Variants in SPMIP10 observed in about 807,000 individuals in gnomAD.
SPMIP10 encodes the protein sperm-associated microtubule inner protein 10.
the SPMIP10 span, chr5:126,632,482 T>C: frequency 3.2e-6 from 3 of 948,746 alleles, no homozygotes; most frequent in South Asian, 1.3e-5. Flanking sequence ...CTCCAGTGCC[T>C]GGAATGATGC....
the SPMIP10 span, among the ~76,000 whole-genome samples, chr5:126,634,307 C>A: frequency 6.6e-6 from 1 of 152,140 alleles, no homozygotes; most frequent in Non-Finnish European, 1.5e-5. Context: ...TGGCACATGC[C>A]TGTAATCCCA....
the SPMIP10 span, chr5:126,636,217 T>C: frequency 6.2e-7 from 1 of 1,614,090 alleles, no homozygotes. Flanking sequence ...TGATTTCCCA[T>C]GGCTTCAGGA....
chr5:126,632,850 GGT>G, the SPMIP10 span, among the ~76,000 whole-genome samples: 2 of 151,828 alleles, frequency 1.3e-5, no homozygotes, highest in African/African-American at 4.8e-5. Context: ...AGCTGGGCAT[GGT>G]GGCGGGCAGT....
At chr5:126,631,951 AT>A in the SPMIP10 span, 1 of 627,322 alleles carries the variant, frequency 1.6e-6, no homozygotes, top group Middle Eastern at 2.6e-4. Context: ...AGAGGGAAAT[AT>A]GTGTGCAGGG....
chr5:126,631,844 G>GT, the SPMIP10 span: 5 of 1,517,900 alleles, frequency 3.3e-6, no homozygotes, highest in Middle Eastern at 1.7e-4. Flanking sequence ...GGATTCTGGG[G>GT]TTTTTTGTTT....
the SPMIP10 span, chr5:126,632,711 G>C: frequency 1.9e-6 from 2 of 1,034,746 alleles, no homozygotes; most frequent in Non-Finnish European, 3.0e-6. Context: ...CATTAAGCCG[G>C]ATGCGGTGAC....
chr5:126,631,799 G>A, the SPMIP10 span: 2 of 1,610,582 alleles, frequency 1.2e-6, no homozygotes, highest in Non-Finnish European at 1.7e-6. Flanking sequence ...TCTGATGAGA[G>A]TCTCTATAAA....
chr5:126,636,036 C>A, the SPMIP10 span: 6 of 1,611,946 alleles, frequency 3.7e-6, no homozygotes, highest in Non-Finnish European at 5.1e-6. Flanking sequence ...TCTTAGCAAG[C>A]AGAAGTGTGT....
chr5:126,636,154 A>C, the SPMIP10 span: 1 of 1,614,196 alleles, frequency 6.2e-7, no homozygotes, highest in East Asian at 2.2e-5. Flanking sequence ...CACCAGAAAT[A>C]AAAATTGCAG....
the SPMIP10 span, chr5:126,636,013 A>C: frequency 3.5e-5 from 55 of 1,584,510 alleles, no homozygotes; most frequent in Non-Finnish European, 4.4e-5. Context: ...GATACACAGA[A>C]GATTTTCTTT....
chr5:126,633,865 AT>A, the SPMIP10 span, among the ~76,000 whole-genome samples: 1 of 140,454 alleles, frequency 7.1e-6, no homozygotes, highest in African/African-American at 3.1e-5. Flanking sequence ...GATCTCTACT[AT>A]GTGGTCCAGG....
the SPMIP10 span, chr5:126,631,859 GTT>G: frequency 8.2e-5 from 109 of 1,334,382 alleles, no homozygotes; most frequent in Non-Finnish European, 1.1e-4. Context: ...TTGTTTGCTT[GTT>G]TTGCAACCTG....
At chr5:126,634,356 C>T in the SPMIP10 span, among the ~76,000 whole-genome samples, 16 of 152,164 alleles carry the variant, frequency 1.1e-4, no homozygotes, top group East Asian at 9.7e-4. Flanking sequence ...CGCTTGAATC[C>T]GGGAGACACA....
the SPMIP10 span, chr5:126,635,999 A>T: frequency 4.6e-6 from 7 of 1,517,786 alleles, no homozygotes; most frequent in Non-Finnish European, 6.4e-6. Flanking sequence ...ATGATGTTTG[A>T]TGTGATACAC....
chr5:126,632,754 G>A, the SPMIP10 span: 11 of 671,558 alleles, frequency 1.6e-5, no homozygotes, highest in Middle Eastern at 3.6e-4. Context: ...TTGGGAGACC[G>A]AGGCGGGTGG....
chr5:126,631,828 T>C, the SPMIP10 span: 138 of 1,576,948 alleles, frequency 8.8e-5, no homozygotes, highest in Non-Finnish European at 1.2e-4. Context: ...TAAGTAAGGA[T>C]TTATGGGATT....
At chr5:126,633,815 C>T in the SPMIP10 span, among the ~76,000 whole-genome samples, 1 of 152,048 alleles carries the variant, frequency 6.6e-6, no homozygotes, top group Admixed American at 6.6e-5. Flanking sequence ...AGGCACATGC[C>T]ACCATGCCCG....
At chr5:126,633,837 T>G in the SPMIP10 span, among the ~76,000 whole-genome samples, 1 of 150,838 alleles carries the variant, frequency 6.6e-6, no homozygotes, top group Non-Finnish European at 1.5e-5. Flanking sequence ...AGAGTTTTGG[T>G]ATTTTTTGTA....
chr5:126,632,583 C>A, the SPMIP10 span: 1 of 1,611,456 alleles, frequency 6.2e-7, no homozygotes, highest in Non-Finnish European at 8.5e-7. Flanking sequence ...TTCATTAAAG[C>A]AAGGGATGAT....
Sources: gnomAD v4.1 joint callset for allele counts (sites outside exome capture counted in the v4.1 genomes callset) on GRCh38, gnomAD v4.1.1 for gene constraint, MANE v1.5 for transcripts, NCBI Gene and HGNC (gene_info 2026-07-23, HGNC 2026-07-21) for gene names.